The following ELOVL6 variants were observed in gnomAD, a reference collection of about 807,000 sequenced individuals.
ELOVL6 encodes the protein ELOVL fatty acid elongase 6, also known as very long chain fatty acid elongase 6.
Under a neutral mutation model 31.7 loss-of-function variants are expected in ELOVL6, and 8 were observed. That is an observed-to-expected ratio of 0.25 (90% confidence interval 0.15 to 0.45). The LOEUF (loss-of-function observed/expected upper bound fraction) is 0.45. Ranked by LOEUF, ELOVL6 falls within the 20% of genes least tolerant of loss-of-function variation. The pLI, the probability that ELOVL6 is intolerant of heterozygous loss-of-function variation, is 1.00. For missense variants in ELOVL6, 126 were observed against 326.4 expected (o/e 0.39, Z 4.73); for synonymous variants, 101 against 117.7 (o/e 0.86, Z 0.92).
chr4:110,128,758 A>T (rs181167339), intron 1 of ELOVL6, among the ~76,000 whole-genome samples: 1 of 152,348 alleles, frequency 6.6e-6, no homozygotes, highest in Non-Finnish European at 1.5e-5. Flanking sequence ...ATGTTCTTAG[A>T]TATAAAATTA....
chr4:110,137,072 A>G (rs1757832255), intron 1 of ELOVL6, among the ~76,000 whole-genome samples: 1 of 152,322 alleles, frequency 6.6e-6, no homozygotes, highest in South Asian at 2.1e-4. Context: ...TTATAATCTG[A>G]TATCAAATAG....
chr4:110,084,049 CTA>C (rs1371628154), intron 2 of ELOVL6, among the ~76,000 whole-genome samples: 2 of 8,050 alleles, frequency 2.5e-4, no homozygotes, highest in Non-Finnish European at 5.1e-4. Context: ...ATAACACATG[CTA>C]TATATGATAT....
intron 1 of ELOVL6, among the ~76,000 whole-genome samples, chr4:110,135,219 G>T (rs1342474350): frequency 1.3e-5 from 2 of 152,160 alleles, no homozygotes; most frequent in Non-Finnish European, 2.9e-5. Context: ...CCAGAGTCCA[G>T]TGTTTCTTGA....
At chr4:110,090,331 C>T (rs1261074424) in intron 2 of ELOVL6, among the ~76,000 whole-genome samples, 2 of 152,156 alleles carry the variant, frequency 1.3e-5, no homozygotes, top group African/African-American at 4.8e-5. Context: ...TACCATTTAT[C>T]TACATGTAAA....
intron 2 of ELOVL6, among the ~76,000 whole-genome samples, chr4:110,079,857 GAAGAA>G (rs1468934111): frequency 1.3e-5 from 2 of 152,000 alleles, no homozygotes; most frequent in African/African-American, 2.4e-5. Flanking sequence ...GACTAATAAA[GAAGAA>G]AAGAGAGAAG....
intron 1 of ELOVL6, among the ~76,000 whole-genome samples, chr4:110,183,180 G>C (rs554053087): frequency 6.6e-6 from 1 of 152,130 alleles, no homozygotes; most frequent in African/African-American, 2.4e-5. Flanking sequence ...GGGCAGTCAC[G>C]TATGAGACTT....
intron 2 of ELOVL6, among the ~76,000 whole-genome samples, chr4:110,084,531 T>TAC (rs67665852): frequency 0.059 from 4,107 of 70,066 alleles, 185 homozygotes; most frequent in East Asian, 0.081. Context: ...TATATACACT[T>TAC]ACACACACAC....
chr4:110,197,522 C>T (rs1186705694), intron 1 of ELOVL6, among the ~76,000 whole-genome samples: 1 of 152,146 alleles, frequency 6.6e-6, no homozygotes, highest in African/African-American at 2.4e-5. Flanking sequence ...GTCCAAAAGG[C>T]GTTTCCGTAA....
chr4:110,149,258 A>T (rs1758216837), intron 1 of ELOVL6, among the ~76,000 whole-genome samples: 1 of 152,190 alleles, frequency 6.6e-6, no homozygotes, highest in Non-Finnish European at 1.5e-5. Flanking sequence ...CTAACCTTTG[A>T]TCCAGCAATC....
chr4:110,175,805 A>T (rs1016555609), intron 1 of ELOVL6, among the ~76,000 whole-genome samples: 1 of 152,214 alleles, frequency 6.6e-6, no homozygotes, highest in Non-Finnish European at 1.5e-5. Flanking sequence ...ATGCCTTCAT[A>T]GGAAGGGTAA....
chr4:110,155,442 AT>A (rs1018327129), intron 1 of ELOVL6, among the ~76,000 whole-genome samples: 2 of 152,276 alleles, frequency 1.3e-5, no homozygotes, highest in African/African-American at 4.8e-5. Flanking sequence ...GAAAAAAATA[AT>A]TTTTCAATCT....
At chr4:110,194,736 GC>G (rs1759722702) in intron 1 of ELOVL6, among the ~76,000 whole-genome samples, 1 of 152,192 alleles carries the variant, frequency 6.6e-6, no homozygotes, top group Non-Finnish European at 1.5e-5. Context: ...ATGGATTATA[GC>G]GTATGTTTAA....
chr4:110,086,995 T>C (rs1034014886), intron 2 of ELOVL6, among the ~76,000 whole-genome samples: 1 of 152,190 alleles, frequency 6.6e-6, no homozygotes, highest in African/African-American at 2.4e-5. Context: ...GCACCTGATA[T>C]AGGCTGTCTA....
chr4:110,050,482 C>G lies in ELOVL6; in HGVS notation c.*856G>C, dbSNP rs767837920. 6.6e-6 allele frequency: 1 copy of G among 152,240 alleles called. No individual in the cohort carries two copies. Among genetic ancestry groups the G allele is most frequent in the Admixed American group, 6.5e-5 (1 of 15,278 alleles). 9.4% of individuals were successfully genotyped at this position (152,240 alleles called of 1,614,324 possible). The stretch of plus-strand genomic sequence containing the variant: ...GGTTGAGTGTTTATCTTTTTCAATT[C>G]TGTATTTACTCTTCTGTTCAAAAGC... On this transcript the variant is annotated 3_prime_UTR_variant, in exon 4 of 4. Coordinates refer to ENST00000302274, the MANE Select transcript of ELOVL6 (RefSeq NM_024090.3).
In ELOVL6 at chr4:110,117,348, T is replaced by G. The variant is rs150530711; in HGVS notation, c.90-11720A>C. Among the ~76,000 whole-genome samples the G allele has an allele frequency of 1.3e-4, 20 of 152,336 alleles. No individual in the cohort carries two copies. The East Asian group carries it at 3.9e-3, about 29-fold the overall frequency. ...AAAACTGCTTCAAAAGTACGTTCAC[T>G]GATTGGGGTGATACCACTTATGCCT... On this transcript the variant is annotated intron_variant, in intron 1 of 3. Transcript: ENST00000302274.
intron 1 of ELOVL6, among the ~76,000 whole-genome samples, chr4:110,184,653 G>A (rs2126279112): frequency 6.6e-6 from 1 of 152,304 alleles, no homozygotes; most frequent in East Asian, 1.9e-4. Flanking sequence ...AAGGAAGTCA[G>A]TGGCAAGCAC....
chr4:110,059,045 C>T (rs74989581), intron 3 of ELOVL6, among the ~76,000 whole-genome samples: 8,539 of 152,246 alleles, frequency 0.056, 324 homozygotes, highest in South Asian at 0.14. Flanking sequence ...ACAAATACAG[C>T]CTGTATTTTC....
chr4:110,116,555 A>C (rs1183172147), intron 1 of ELOVL6, among the ~76,000 whole-genome samples: 1 of 152,246 alleles, frequency 6.6e-6, no homozygotes, highest in Non-Finnish European at 1.5e-5. Context: ...CAGAATTTCT[A>C]GTATAATATA....
chr4:110,105,126 T>C (rs1248855445), intron 2 of ELOVL6, among the ~76,000 whole-genome samples: 1 of 152,202 alleles, frequency 6.6e-6, no homozygotes, highest in Non-Finnish European at 1.5e-5. Flanking sequence ...CCCAGGGTAT[T>C]TGAACCCTGT....
Sources: allele counts gnomAD v4.1 joint callset (sites outside exome capture counted in the v4.1 genomes callset), GRCh38; gene constraint gnomAD v4.1.1; transcripts MANE v1.5; gene names NCBI Gene and HGNC (gene_info 2026-07-23, HGNC 2026-07-21).